RANBP17: variants seen among roughly 807,000 people sequenced by gnomAD.
RANBP17 encodes ran-binding protein 17.
Under a neutral mutation model 141.2 loss-of-function variants are expected in RANBP17, and 158 were observed. The observed-to-expected ratio is 1.12, with a 90% CI of 0.98 to 1.28. The LOEUF (loss-of-function observed/expected upper bound fraction) is 1.28, where lower values mean the gene tolerates loss of function less well. RANBP17 is among the 50% of genes most tolerant of loss of function. The probability of loss-of-function intolerance (pLI) is 0.00; values close to 1 mark genes in which losing one functional copy is unlikely to be tolerated. For synonymous variants in RANBP17, 430 were observed against 450.0 expected, an observed-to-expected ratio of 0.96 and a Z score of 0.56; for missense variants, 1,438 against 1,290.7, an observed-to-expected ratio of 1.11 and a Z score of -1.75.
At chr5:171,018,256 A>G (rs1431058318) in intron 14 of RANBP17, among the ~76,000 whole-genome samples, 2 of 152,156 alleles carry the variant, frequency 1.3e-5, no homozygotes, top group Non-Finnish European at 2.9e-5. Context: ...TTGGTTCTAT[A>G]TGAAATTTAA....
intron 14 of RANBP17, among the ~76,000 whole-genome samples, chr5:171,058,408 G>A (rs1474602670): frequency 6.8e-6 from 1 of 147,188 alleles, no homozygotes; most frequent in Non-Finnish European, 1.5e-5. Context: ...GAGAACATGC[G>A]GTGTTTGGTT....
chr5:171,216,948 T>C (rs569459081), intron 21 of RANBP17, among the ~76,000 whole-genome samples: 11 of 152,322 alleles, frequency 7.2e-5, no homozygotes, highest in Admixed American at 1.3e-4. Context: ...CAGTACTTCA[T>C]TGAATAGGAG....
intron 13 of RANBP17, among the ~76,000 whole-genome samples, chr5:170,957,840 A>G (rs1187519550): frequency 6.6e-6 from 1 of 152,198 alleles, no homozygotes; most frequent in Non-Finnish European, 1.5e-5. Flanking sequence ...TCAACAACAT[A>G]TTTGAAAAAG....
chr5:171,105,153 C>A (rs191427392), intron 14 of RANBP17, among the ~76,000 whole-genome samples: 2 of 151,100 alleles, frequency 1.3e-5, no homozygotes, highest in Admixed American at 6.6e-5. Flanking sequence ...GAGGCCAAGG[C>A]GGGCAGATCA....
chr5:170,898,392 A>G (rs1174452956), intron 5 of RANBP17, among the ~76,000 whole-genome samples: 1 of 151,794 alleles, frequency 6.6e-6, no homozygotes, highest in African/African-American at 2.4e-5. Flanking sequence ...TTTCTTGTAA[A>G]TGTGTTTAAG....
intron 14 of RANBP17, among the ~76,000 whole-genome samples, chr5:171,022,115 C>T (rs1482392836): frequency 6.6e-6 from 1 of 152,108 alleles, no homozygotes; most frequent in Admixed American, 6.5e-5. Flanking sequence ...CGGTTCACTC[C>T]CATACCTGGA....
chr5:170,983,239 A>G (rs1426173290), intron 14 of RANBP17: 1 of 334,452 alleles, frequency 3.0e-6, no homozygotes, highest in African/African-American at 2.1e-5. Flanking sequence ...ACTGGAGCAG[A>G]TGGAAGGTCA....
rs187118143 is a variant in RANBP17, at chr5:171,237,133, T to C, written c.2423-3795T>C. ...GCAGGAGATGTGACATCTTCCTATG[T>C]GTATCCCTCTTTAAAAGTACATCTT... On this transcript the variant is annotated intron_variant, in intron 22 of 27. Coordinates refer to ENST00000523189, the MANE Select transcript of RANBP17 (RefSeq NM_022897.5). Among the ~76,000 whole-genome samples the C allele has an allele frequency of 1.8e-4, 28 of 152,244 alleles. No individual in the cohort carries two copies. In the East Asian group the frequency reaches 5.2e-3, roughly 28 times the overall value.
intron 18 of RANBP17, among the ~76,000 whole-genome samples, chr5:171,191,014 T>G (rs919085074): frequency 4.6e-5 from 7 of 152,344 alleles, no homozygotes; most frequent in African/African-American, 1.7e-4. Context: ...GAAACAGTCA[T>G]ATTTTTAATT....
At chr5:171,099,264 T>A (rs1198913310) in intron 14 of RANBP17, among the ~76,000 whole-genome samples, 1 of 151,804 alleles carries the variant, frequency 6.6e-6, no homozygotes, top group Non-Finnish European at 1.5e-5. Context: ...TGTTTTTCCA[T>A]TTTTTTGTGT....
chr5:171,031,313 A>T lies in RANBP17; in HGVS notation c.1710+62936A>T, dbSNP rs116250914. ...AAGCAAAACAAAATTATAAAAGCAG[A>T]TTTGTTATGAAAAATAAGAAATCGA... On this transcript the variant is annotated intron_variant, in intron 14 of 27. Transcript: ENST00000523189. Among the ~76,000 whole-genome samples the T allele has an allele frequency of 3.3e-3, 497 of 152,148 alleles. 2 individuals carry two copies. The highest frequency in any genetic ancestry group is 0.011 in the African/African-American group (466 of 41,558).
chr5:170,898,084 T>G (rs1057215342), intron 5 of RANBP17, among the ~76,000 whole-genome samples: 5 of 152,242 alleles, frequency 3.3e-5, no homozygotes, highest in African/African-American at 1.2e-4. Context: ...GTTTCCTGAC[T>G]TTTTAATGAT....
At chr5:171,028,308 G>A (rs1015650250) in intron 14 of RANBP17, among the ~76,000 whole-genome samples, 25 of 152,004 alleles carry the variant, frequency 1.6e-4, no homozygotes, top group Admixed American at 6.6e-4. Context: ...GAGATGAAAC[G>A]CATTTTTAGG....
At chr5:171,001,490 G>A (rs1779198748) in intron 14 of RANBP17, among the ~76,000 whole-genome samples, 2 of 152,080 alleles carry the variant, frequency 1.3e-5, no homozygotes, top group African/African-American at 4.8e-5. Context: ...CTTCAAGTTG[G>A]GCTGGTGTCT....
chr5:170,918,994 G>A (rs1433276948), intron 10 of RANBP17, 135 bp downstream of exon 10: 30 of 473,702 alleles, frequency 6.3e-5, no homozygotes, highest in Admixed American at 3.8e-4. Flanking sequence ...AGGGTTTTAG[G>A]TAAAAAAATT....
At chr5:171,014,125 G>A (rs565876473) in intron 14 of RANBP17, among the ~76,000 whole-genome samples, 2 of 152,016 alleles carry the variant, frequency 1.3e-5, no homozygotes, top group Non-Finnish European at 2.9e-5. Context: ...TACTTTGTTT[G>A]ATATTAATAT....
intron 14 of RANBP17, among the ~76,000 whole-genome samples, chr5:171,063,888 C>T (rs1263871067): frequency 3.9e-5 from 6 of 152,218 alleles, no homozygotes; most frequent in Non-Finnish European, 5.9e-5. Flanking sequence ...CCCCCAGCCT[C>T]GCTGCTGCCT....
intron 25 of RANBP17, among the ~76,000 whole-genome samples, chr5:171,288,716 A>T (rs1020343378): frequency 6.6e-6 from 1 of 152,234 alleles, no homozygotes; most frequent in Non-Finnish European, 1.5e-5. Flanking sequence ...CACCCAGAAG[A>T]TGCTCCATAA....
chr5:170,902,168 T>C (rs4438890), intron 5 of RANBP17, among the ~76,000 whole-genome samples: 91,434 of 152,092 alleles, frequency 0.6, 29,215 homozygotes, highest in South Asian at 0.88. Flanking sequence ...CAATCAAACA[T>C]AGGTTTGGCC....
Sources: allele counts gnomAD v4.1 joint callset (sites outside exome capture counted in the v4.1 genomes callset), GRCh38; gene constraint gnomAD v4.1.1; transcripts MANE v1.5; gene names NCBI Gene and HGNC (gene_info 2026-07-23, HGNC 2026-07-21).